UFD1: variants seen among roughly 807,000 people sequenced by gnomAD.
UFD1 encodes ubiquitin recognition factor in ER associated degradation 1.
UFD1 carries 13 observed loss-of-function variants against 45.9 expected under a neutral mutation model. The observed-to-expected ratio is 0.28, with a 90% CI of 0.18 to 0.45. The LOEUF (loss-of-function observed/expected upper bound fraction) is 0.45. Ranked by LOEUF, UFD1 falls within the 20% of genes least tolerant of loss-of-function variation. The pLI, the probability that UFD1 is intolerant of heterozygous loss-of-function variation, is 1.00. For synonymous variants in UFD1, 128 were observed against 139.2 expected, an observed-to-expected ratio of 0.92 and a Z score of 0.56; for missense variants, 218 against 389.2, an observed-to-expected ratio of 0.56 and a Z score of 3.70.
At chr22:19,467,297 C>G (rs551814180) in intron 5 of UFD1, 1 of 152,526 alleles carries the variant, frequency 6.6e-6, no homozygotes, top group East Asian at 1.9e-4. Flanking sequence ...GCACACAGCA[C>G]CGTCCCGTAC....
At position 19,453,160 on chromosome 22, in the gene UFD1, C is replaced by G. The variant is rs1328273490; in HGVS notation, c.849+1589G>C. 3 of 985,308 alleles carry G rather than the reference C, an allele frequency of 3.0e-6. No individual in the cohort carries two copies. The East Asian group carries it at 3.4e-4, about 112-fold the overall frequency. 61.0% of individuals were successfully genotyped at this position (985,308 alleles called of 1,614,324 possible). Reference sequence around the variant, plus strand: ...ATGGGGGAGGGAGGGTAATGCAGCTCTAACTGCTTAGTAACAGAATTCTGT... The same window carrying G: ...ATGGGGGAGGGAGGGTAATGCAGCTGTAACTGCTTAGTAACAGAATTCTGT... On this transcript the variant is annotated intron_variant, in intron 11 of 11. Transcript: ENST00000263202.
intron 11 of UFD1, chr22:19,452,090 G>T: frequency 3.2e-6 from 1 of 307,912 alleles, no homozygotes; most frequent in Non-Finnish European, 4.7e-6. Context: ...ATGTTAGTCT[G>T]CTAGGGCTGC....
chr22:19,477,062 CAATT>C (rs563866796), intron 1 of UFD1, among the ~76,000 whole-genome samples: 138 of 139,978 alleles, frequency 9.9e-4, no homozygotes, highest in African/African-American at 3.6e-3. Context: ...AAGAGATTAA[CAATT>C]AATAATAAAA....
At chr22:19,454,463 GTT>G in intron 11 of UFD1, 2 of 727,272 alleles carry the variant, frequency 2.7e-6, no homozygotes, top group Middle Eastern at 9.1e-4. Context: ...AGATCTGATG[GTT>G]TTATAAGTAG....
intron 1 of UFD1, among the ~76,000 whole-genome samples, chr22:19,477,804 C>G (rs1225123214): frequency 6.6e-6 from 1 of 152,172 alleles, no homozygotes; most frequent in Non-Finnish European, 1.5e-5. Flanking sequence ...CCAAAATTAG[C>G]AAGCTGAATT....
Position 19,455,724 on chromosome 22 carries a change from C to G in UFD1, c.723G>C (p.Gly241=). The G allele has an allele frequency of 6.2e-7, 1 of 1,614,104 alleles. No individual in the cohort carries two copies. Among genetic ancestry groups the G allele is most frequent in the Non-Finnish European group, 8.5e-7 (1 of 1,179,976 alleles). ...SGNRLDGKKK[G]VEPSPSPIKP... ...TGATTGGGGAGGGGCTGGGCTCTAC[C>G]CCTTTCTTCTTTCCATCCAGTCTAT... Residue 241 remains glycine (G), a synonymous_variant, in exon 10 of 12, where the codon GGG becomes GGC. Coordinates refer to ENST00000263202, the MANE Select transcript of UFD1 (RefSeq NM_005659.7).
intron 7 of UFD1, 42 bp from the exon 8 acceptor site, chr22:19,456,960 C>T (rs2089728202): frequency 1.5e-6 from 2 of 1,334,928 alleles, no homozygotes; most frequent in Admixed American, 2.0e-5. Context: ...TGAGACATGA[C>T]CACCCTTGGC....
At chr22:19,475,322 A>G in intron 2 of UFD1, 148 bp downstream of exon 2, 3 of 1,313,984 alleles carry the variant, frequency 2.3e-6, no homozygotes. Flanking sequence ...CCCCACCCCA[A>G]CAGAGCAAGT....
intron 3 of UFD1, 105 bp from the exon 4 acceptor site, chr22:19,471,913 C>G: frequency 1.4e-6 from 2 of 1,471,538 alleles, no homozygotes; most frequent in Non-Finnish European, 9.2e-7. Context: ...GCCCTCAACC[C>G]CACACTCCTC....
At chr22:19,472,330 C>G (rs922065143) in intron 3 of UFD1, among the ~76,000 whole-genome samples, 2 of 152,128 alleles carry the variant, frequency 1.3e-5, no homozygotes. Context: ...GGAGCCCAGG[C>G]AGTTCAGAAA....
Position 19,450,539 on chromosome 22 carries a change from G to A in UFD1, c.*131C>T. On this transcript the variant is annotated 3_prime_UTR_variant, in exon 12 of 12. Transcript: ENST00000263202. ...TCCAAGTCAAACTTAATAATTCTTA[G>A]GTAACTCTAAATAAATCTTAAGTAA... The A allele has an allele frequency of 8.6e-7, 1 of 1,162,906 alleles. No homozygotes were observed. Among genetic ancestry groups the A allele is most frequent in the East Asian group, 2.4e-5 (1 of 41,896 alleles). 72.0% of individuals were successfully genotyped at this position (1,162,906 alleles called of 1,614,324 possible). A position where few individuals can be genotyped will look rare whatever the true frequency, so the allele number is the denominator to read the frequency against.
intron 4 of UFD1, chr22:19,471,209 A>G (rs2089842241): frequency 3.9e-6 from 2 of 509,614 alleles, no homozygotes; most frequent in African/African-American, 3.9e-5. Context: ...AACTTTCCAA[A>G]GAGAGCCTGC....
intron 1 of UFD1, 73 bp downstream of exon 1, chr22:19,479,010 C>T: frequency 6.7e-7 from 1 of 1,491,706 alleles, no homozygotes; most frequent in Non-Finnish European, 9.1e-7. Context: ...TCCCGCCCCG[C>T]CCTGCCCCGC....
At chr22:19,453,418 A>G in intron 11 of UFD1, 1 of 985,410 alleles carries the variant, frequency 1.0e-6, no homozygotes, top group Non-Finnish European at 1.2e-6. Context: ...TACTTCTTAA[A>G]TACATATTTA....
At position 19,479,150 on chromosome 22, in the gene UFD1, C is replaced by T; in HGVS notation, c.-65G>A. ...TGCAACGAAGAAACCCCGCCGACCG[C>T]TCTCCCAGCCGCCGCTGCCGCTGCC... On this transcript the variant is annotated 5_prime_UTR_variant, in exon 1 of 12. Coordinates refer to ENST00000263202, the MANE Select transcript of UFD1 (RefSeq NM_005659.7). The T allele has an allele frequency of 6.3e-7, 1 of 1,583,042 alleles. No individual in the cohort carries two copies. The highest frequency in any genetic ancestry group is 2.3e-5 in the East Asian group (1 of 42,852).
At chr22:19,457,641 T>C (rs2089733220) in intron 7 of UFD1, among the ~76,000 whole-genome samples, 2 of 151,756 alleles carry the variant, frequency 1.3e-5, no homozygotes, top group Non-Finnish European at 1.5e-5. Context: ...GGTAAAACCC[T>C]GTCTCTACCA....
At chr22:19,469,329 G>T (rs2089827288) in intron 4 of UFD1, among the ~76,000 whole-genome samples, 1 of 152,156 alleles carries the variant, frequency 6.6e-6, no homozygotes, top group Admixed American at 6.5e-5. Flanking sequence ...CAAGCCTGAG[G>T]GAAGGCTGGC....
intron 3 of UFD1, among the ~76,000 whole-genome samples, chr22:19,473,809 G>A (rs777806328): frequency 5.9e-5 from 9 of 152,196 alleles, no homozygotes; most frequent in Admixed American, 5.9e-4. Context: ...TGCTACTCTG[G>A]AGTCAGGCTG....
At chr22:19,457,040 C>A (rs936292912) in intron 7 of UFD1, 122 bp from the exon 8 acceptor site, 3 of 720,524 alleles carry the variant, frequency 4.2e-6, no homozygotes, top group Admixed American at 4.8e-5. Context: ...ACAAAAGATG[C>A]CTTGTACACT....
Sources: gnomAD v4.1 joint callset for allele counts (sites outside exome capture counted in the v4.1 genomes callset) on GRCh38, gnomAD v4.1.1 for gene constraint, MANE v1.5 for transcripts, NCBI Gene and HGNC (gene_info 2026-07-23, HGNC 2026-07-21) for gene names.